The following TRPM3 variants were observed in gnomAD, a reference collection of about 807,000 sequenced individuals.
TRPM3 encodes the protein long transient receptor potential channel 3.
A neutral mutation model predicts 181.2 loss-of-function variants in TRPM3; 77 were observed. That is an observed-to-expected ratio of 0.42 (90% CI 0.35 to 0.51). The LOEUF (loss-of-function observed/expected upper bound fraction) is 0.51, where lower values mean the gene tolerates loss of function less well. Ranked by LOEUF, TRPM3 falls within the 20% of genes least tolerant of loss-of-function variation. The probability of loss-of-function intolerance (pLI) is 0.01; values close to 1 mark genes in which losing one functional copy is unlikely to be tolerated. For missense variants in TRPM3, 1,759 were observed against 2,196.7 expected, an observed-to-expected ratio of 0.80 and a Z score of 3.98; for synonymous variants, 745 against 796.4, an observed-to-expected ratio of 0.94 and a Z score of 1.09.
chr9:70,891,373 A>C (rs76785314), intron 1 of TRPM3, among the ~76,000 whole-genome samples: 1,995 of 152,322 alleles, frequency 0.013, 25 homozygotes, highest in Non-Finnish European at 0.019. Context: ...CAAAGTAAAA[A>C]TATCAAACAT....
chr9:71,231,287 GAAGT>G (rs2131904620), intron 1 of TRPM3, among the ~76,000 whole-genome samples: 1 of 152,288 alleles, frequency 6.6e-6, no homozygotes, highest in East Asian at 1.9e-4. Flanking sequence ...TTGTAAGAGA[GAAGT>G]AAGAGAATCT....
At chr9:70,626,214 T>C (rs768834442) in intron 12 of TRPM3, among the ~76,000 whole-genome samples, 1 of 152,144 alleles carries the variant, frequency 6.6e-6, no homozygotes, top group Non-Finnish European at 1.5e-5. Flanking sequence ...TTAAGAAAAT[T>C]TTTGCTGTTA....
At chr9:71,390,783 G>A (rs1157473011) in intron 1 of TRPM3, among the ~76,000 whole-genome samples, 1 of 152,032 alleles carries the variant, frequency 6.6e-6, no homozygotes, top group Non-Finnish European at 1.5e-5. Flanking sequence ...TAGTAAAGGT[G>A]TACTAGCAAA....
chr9:71,091,457 G>T (rs1485971629), intron 1 of TRPM3, among the ~76,000 whole-genome samples: 1 of 152,014 alleles, frequency 6.6e-6, no homozygotes, highest in Non-Finnish European at 1.5e-5. Context: ...TTACAACAGT[G>T]GCTGTTTGGA....
intron 9 of TRPM3, among the ~76,000 whole-genome samples, chr9:70,665,203 T>C (rs202033174): frequency 5.2e-5 from 3 of 58,202 alleles, no homozygotes; most frequent in Non-Finnish European, 1.0e-4. Flanking sequence ...GCATTGTTTG[T>C]TTTTTTCCTC....
At chr9:71,375,655 A>C (rs1336482534) in intron 1 of TRPM3, among the ~76,000 whole-genome samples, 1 of 152,158 alleles carries the variant, frequency 6.6e-6, no homozygotes, top group Non-Finnish European at 1.5e-5. Context: ...CAGAATCTAC[A>C]AGGAACTTAA....
intron 8 of TRPM3, among the ~76,000 whole-genome samples, chr9:70,689,395 G>A (rs1165737914): frequency 2.0e-5 from 3 of 151,944 alleles, no homozygotes; most frequent in Non-Finnish European, 4.4e-5. Context: ...GCAGGGAAAG[G>A]CAATAGAAGG....
intron 1 of TRPM3, among the ~76,000 whole-genome samples, chr9:71,003,669 T>C (rs1189795349): frequency 1.3e-5 from 2 of 152,148 alleles, no homozygotes; most frequent in East Asian, 1.9e-4. Flanking sequence ...GGTTGATTTA[T>C]GCGATGCTTA....
At chr9:71,116,597 C>T (rs764389873) in intron 1 of TRPM3, among the ~76,000 whole-genome samples, 1 of 152,090 alleles carries the variant, frequency 6.6e-6, no homozygotes, top group African/African-American at 2.4e-5. Flanking sequence ...AGCACTTGGG[C>T]AGAATTTGTG....
At chr9:71,278,221 A>T (rs543255270) in intron 1 of TRPM3, among the ~76,000 whole-genome samples, 1 of 152,368 alleles carries the variant, frequency 6.6e-6, no homozygotes, top group Non-Finnish European at 1.5e-5. Flanking sequence ...ACTTGAAAGT[A>T]AATAAGCCAT....
chr9:70,831,387 G>T (rs1026594725), intron 5 of TRPM3, among the ~76,000 whole-genome samples: 1 of 132,842 alleles, frequency 7.5e-6, no homozygotes. Flanking sequence ...TGTAAAATAG[G>T]ACTTTTTTTT....
intron 8 of TRPM3, 35 bp from the exon 9 acceptor site, chr9:70,681,613 AT>A: frequency 3.8e-6 from 6 of 1,581,968 alleles, no homozygotes; most frequent in Non-Finnish European, 5.2e-6. Flanking sequence ...TTAGCAAAGC[AT>A]TTTTCCCCCA....
intron 6 of TRPM3, among the ~76,000 whole-genome samples, chr9:70,790,773 CAAAAGT>C (rs993332437): frequency 6.6e-5 from 10 of 152,082 alleles, no homozygotes; most frequent in African/African-American, 2.4e-4. Flanking sequence ...TGAAAACATT[CAAAAGT>C]ATTTTTTTTT....
At position 70,846,407 on chromosome 9, in the gene TRPM3, G is replaced by T. The variant is rs140438424; in HGVS notation, c.647C>A (p.Ala216Glu). 6.2e-7 allele frequency: 1 copy of T among 1,614,054 alleles called. No homozygotes were observed. The highest frequency in any genetic ancestry group is 8.5e-7 in the Non-Finnish European group (1 of 1,179,992). ...GTTAACCCCTCCAGTGAATATCCAC[G>T]CTCCAGTTGTCATTGCTGCTTTGAT... The part of the protein sequence containing the change: ...GLIKAAMTTG[A>E]WIFTGGVNTG... The change falls in exon 4 of 26, where the codon GCG becomes GAG. Residue 216 changes from alanine (A) to glutamate (E), a missense_variant. This residue lies in a region of TRPM3 where 737 missense variants were observed against 957.4 expected (regional missense o/e 0.77). Coordinates refer to ENST00000677713, the MANE Select transcript of TRPM3 (RefSeq NM_001366145.2).
At chr9:70,915,033 C>G (rs1408370795) in intron 1 of TRPM3, among the ~76,000 whole-genome samples, 1 of 152,178 alleles carries the variant, frequency 6.6e-6, no homozygotes, top group Non-Finnish European at 1.5e-5. Flanking sequence ...CCTACCTCTT[C>G]AATGCTCAGA....
chr9:71,188,057 T>C (rs960477227), intron 1 of TRPM3, among the ~76,000 whole-genome samples: 1 of 151,978 alleles, frequency 6.6e-6, no homozygotes, highest in Non-Finnish European at 1.5e-5. Context: ...TTTCTTTATA[T>C]TACAGACAAC....
intron 1 of TRPM3, chr9:70,917,307 A>G: frequency 7.7e-7 from 1 of 1,303,356 alleles, no homozygotes; most frequent in Admixed American, 1.7e-5. Context: ...TATATTATTA[A>G]TGGAGTTTCA....
At chr9:71,049,498 C>A (rs1365187995) in intron 1 of TRPM3, among the ~76,000 whole-genome samples, 1 of 152,118 alleles carries the variant, frequency 6.6e-6, no homozygotes, top group Non-Finnish European at 1.5e-5. Flanking sequence ...GATCTGAAAG[C>A]AACATTTTAT....
chr9:71,346,112 T>C (rs898146567), intron 1 of TRPM3, among the ~76,000 whole-genome samples: 5 of 152,128 alleles, frequency 3.3e-5, no homozygotes, highest in African/African-American at 1.2e-4. Flanking sequence ...CACTCCAAAA[T>C]TGGAAACAAC....
Sources: allele counts gnomAD v4.1 joint callset (sites outside exome capture counted in the v4.1 genomes callset), GRCh38; gene constraint gnomAD v4.1.1; regional missense constraint gnomAD v4.1.1; transcripts MANE v1.5; gene names NCBI Gene and HGNC (gene_info 2026-07-23, HGNC 2026-07-21).